The following PBX1 variants were observed in gnomAD, a reference collection of about 807,000 sequenced individuals.
PBX1 encodes the protein PBX homeobox 1, also known as pre-B-cell leukemia transcription factor 1.
A neutral mutation model predicts 53.4 loss-of-function variants in PBX1; 6 were observed. The ratio of observed to expected loss-of-function variants is 0.11; its 90% CI spans 0.06 to 0.22. The LOEUF is 0.22. Among genes scored for constraint, PBX1 ranks in the 10% least tolerant of loss-of-function variants. The pLI is 1.00. For synonymous variants in PBX1, 204 were observed against 212.3 expected (o/e 0.96, Z 0.34); for missense variants, 251 against 551.4 (o/e 0.46, Z 5.46).
intron 2 of PBX1, among the ~76,000 whole-genome samples, chr1:164,664,123 A>T (rs1660670266): frequency 1.3e-5 from 2 of 152,222 alleles, no homozygotes; most frequent in Admixed American, 1.3e-4. Flanking sequence ...TGTTCAAGAG[A>T]AGGACATAGA....
intron 8 of PBX1, among the ~76,000 whole-genome samples, chr1:164,832,879 T>C (rs1670837758): frequency 6.6e-6 from 1 of 151,672 alleles, no homozygotes; most frequent in Non-Finnish European, 1.5e-5. Context: ...TTAAAATAAA[T>C]AACACCAGCT....
chr1:164,594,619 A>T (rs1655632107), intron 2 of PBX1, among the ~76,000 whole-genome samples: 1 of 152,230 alleles, frequency 6.6e-6, no homozygotes, highest in Admixed American at 6.5e-5. Context: ...AAAATTTAAA[A>T]TTTTTAATTG....
intron 2 of PBX1, among the ~76,000 whole-genome samples, chr1:164,773,988 C>T (rs1043579216): frequency 1.3e-5 from 2 of 152,100 alleles, no homozygotes; most frequent in African/African-American, 4.8e-5. Flanking sequence ...ACTTTGAATT[C>T]TTTGATCTTT....
intron 8 of PBX1, among the ~76,000 whole-genome samples, chr1:164,844,169 A>G (rs547152298): frequency 2.0e-5 from 3 of 149,806 alleles, no homozygotes; most frequent in South Asian, 2.1e-4. Flanking sequence ...ATTGTACTTA[A>G]AAACTTAAAA....
chr1:164,712,031 G>C (rs150799372), intron 2 of PBX1, among the ~76,000 whole-genome samples: 1 of 147,074 alleles, frequency 6.8e-6, no homozygotes, highest in Non-Finnish European at 1.5e-5. Flanking sequence ...CCCCCCCACC[G>C]TAAGAGAATC....
At chr1:164,692,970 T>C (rs1662579611) in intron 2 of PBX1, among the ~76,000 whole-genome samples, 1 of 152,224 alleles carries the variant, frequency 6.6e-6, no homozygotes, top group Admixed American at 6.5e-5. Flanking sequence ...CCACAGCATA[T>C]GGCTTCTGTG....
chr1:164,697,571 C>T (rs543496856), intron 2 of PBX1, among the ~76,000 whole-genome samples: 1 of 152,248 alleles, frequency 6.6e-6, no homozygotes, highest in Admixed American at 6.5e-5. Context: ...CATTCAATTC[C>T]TTTATACACA....
At chr1:164,631,234 T>C (rs1370389027) in intron 2 of PBX1, 1 of 152,210 alleles carries the variant, frequency 6.6e-6, no homozygotes, top group Non-Finnish European at 1.5e-5. Flanking sequence ...ATGAAAGTTC[T>C]GGTTAAAACC....
chr1:164,681,897 T>TG (rs1219111062), intron 2 of PBX1, among the ~76,000 whole-genome samples: 4 of 152,220 alleles, frequency 2.6e-5, no homozygotes, highest in Admixed American at 6.5e-5. Flanking sequence ...AACTCAAATT[T>TG]GCCTTTGTCT....
intron 8 of PBX1, among the ~76,000 whole-genome samples, chr1:164,831,035 G>A (rs181825566): frequency 2.2e-4 from 34 of 152,232 alleles, no homozygotes; most frequent in Admixed American, 2.1e-3. Context: ...CTTTTAAAAT[G>A]TTTTCAACAT....
intron 8 of PBX1, among the ~76,000 whole-genome samples, chr1:164,834,845 A>G (rs952338925): frequency 6.6e-6 from 1 of 152,158 alleles, no homozygotes; most frequent in Non-Finnish European, 1.5e-5. Flanking sequence ...ACCTCTGGAG[A>G]TTGGCAACAC....
chr1:164,675,358 GTAA>G (rs1334776798), intron 2 of PBX1, among the ~76,000 whole-genome samples: 1 of 152,060 alleles, frequency 6.6e-6, no homozygotes, highest in Non-Finnish European at 1.5e-5. Context: ...TGGTGCAAAA[GTAA>G]TTGCGGTTTT....
intron 2 of PBX1, among the ~76,000 whole-genome samples, chr1:164,666,094 A>AGATACGG (rs1268805605): frequency 3.9e-5 from 6 of 152,198 alleles, no homozygotes; most frequent in African/African-American, 1.4e-4. Flanking sequence ...GGAGTTGAAG[A>AGATACGG]GATACGGGAT....
intron 8 of PBX1, 28 bp from the exon 9 acceptor site, chr1:164,846,556 C>T: frequency 6.2e-7 from 1 of 1,606,226 alleles, no homozygotes. Flanking sequence ...TCTCAGAGGA[C>T]TGACTTCTCT....
At position 164,803,087 on chromosome 1, in the gene PBX1, G is replaced by A. The variant is rs369222396; in HGVS notation, c.701+3198G>A. Among the ~76,000 whole-genome samples the A allele has an allele frequency of 4.7e-4, 72 of 152,288 alleles. No homozygotes were observed. In the South Asian group the frequency reaches 0.014, roughly 30 times the overall value. On this transcript the variant is annotated intron_variant, in intron 4 of 8. Coordinates refer to ENST00000420696, the MANE Select transcript of PBX1 (RefSeq NM_002585.4). The stretch of plus-strand genomic sequence containing the variant: ...ACAAGAAAGAGGAAAGGACATCCAA[G>A]AAGGTCTAGTCTGGTCACACTGGCA...
intron 2 of PBX1, among the ~76,000 whole-genome samples, chr1:164,783,995 G>A (rs1240081348): frequency 6.6e-6 from 1 of 152,146 alleles, no homozygotes; most frequent in South Asian, 2.1e-4. Flanking sequence ...TCATCTCCAC[G>A]GAATGCACAG....
At chr1:164,561,993 G>A (rs539765441) in intron 1 of PBX1, among the ~76,000 whole-genome samples, 26 of 150,714 alleles carry the variant, frequency 1.7e-4, no homozygotes, top group African/African-American at 6.1e-4. Context: ...TAAAATCAAC[G>A]CTAAGCTTTC....
chr1:164,873,337 A>G (rs1672426037), intron 2 of PBX1, among the ~76,000 whole-genome samples: 2 of 152,186 alleles, frequency 1.3e-5, no homozygotes, highest in African/African-American at 4.8e-5. Context: ...ACTCACTATT[A>G]TCCTAAGAAG....
intron 1 of PBX1, among the ~76,000 whole-genome samples, chr1:164,561,712 C>T (rs1426312500): frequency 1.3e-5 from 2 of 152,066 alleles, no homozygotes; most frequent in Non-Finnish European, 1.5e-5. Context: ...CAGGGCTTGG[C>T]GACTTCCCCC....
Sources: gnomAD v4.1 joint callset for allele counts (sites outside exome capture counted in the v4.1 genomes callset) on GRCh38, gnomAD v4.1.1 for gene constraint, MANE v1.5 for transcripts, NCBI Gene and HGNC (gene_info 2026-07-23, HGNC 2026-07-21) for gene names.